NME9: variants seen among roughly 807,000 people sequenced by gnomAD.
The protein encoded by NME9 is NME/NM23 family member 9, also known as thioredoxin domain-containing protein 6.
A neutral mutation model predicts 44.4 loss-of-function variants in NME9; 48 were observed. The observed-to-expected ratio is 1.08, with a 90% CI of 0.86 to 1.37. NME9 has a LOEUF of 1.37. Ranked by LOEUF, NME9 falls within the 40% of genes most tolerant of loss-of-function variation. The pLI is 0.00. For missense variants in NME9, 325 were observed against 405.2 expected (o/e 0.80, Z 1.70); for synonymous variants, 139 against 147.1 (o/e 0.94, Z 0.40).
intron 8 of NME9, among the ~76,000 whole-genome samples, chr3:138,269,820 C>CTTTTTTTTTTT (rs77095833): frequency 8.2e-6 from 1 of 121,694 alleles, no homozygotes; most frequent in African/African-American, 3.0e-5. Flanking sequence ...TGTTTTCTTT[C>CTTTTTTTTTTT]TTTTTTTTTT....
downstream of NME9, among the ~76,000 whole-genome samples, chr3:138,299,561 C>T (rs879631556): frequency 3.9e-5 from 6 of 152,160 alleles, no homozygotes; most frequent in Non-Finnish European, 5.9e-5. Flanking sequence ...CCCTTACACC[C>T]CATTCCCCTG....
intron 9 of NME9, 121 bp from the exon 10 acceptor site, chr3:138,303,764 C>A (rs1020220181): frequency 4.1e-5 from 35 of 857,846 alleles, no homozygotes; most frequent in Non-Finnish European, 4.7e-5. Flanking sequence ...AAATTGATTT[C>A]TCTGCAGGAA....
intron 8 of NME9, among the ~76,000 whole-genome samples, chr3:138,274,018 G>A (rs900844168): frequency 3.2e-4 from 49 of 152,048 alleles, no homozygotes; most frequent in Middle Eastern, 3.4e-3. Context: ...GGGTTTTGCC[G>A]TGTTGGCCAG....
intron 8 of NME9, among the ~76,000 whole-genome samples, chr3:138,286,005 C>T (rs1468033198): frequency 1.3e-5 from 2 of 152,146 alleles, no homozygotes; most frequent in East Asian, 1.9e-4. Context: ...AGTGCAGTGA[C>T]GCGATCTTGG....
intron 2 of NME9, 110 bp from the exon 3 acceptor site, chr3:138,319,691 G>T (rs538270941): frequency 1.5e-6 from 1 of 661,592 alleles, no homozygotes; most frequent in South Asian, 1.7e-5. Flanking sequence ...TTCATTTGCC[G>T]GGATATCTAA....
chr3:138,275,766 T>C (rs758063628), intron 8 of NME9, among the ~76,000 whole-genome samples: 12 of 152,170 alleles, frequency 7.9e-5, no homozygotes, highest in Non-Finnish European at 1.3e-4. Flanking sequence ...GGAGCTGCAA[T>C]TGAATTTGTG....
intron 4 of NME9, 122 bp downstream of exon 4, chr3:138,318,026 T>C (rs940446384): frequency 7.2e-6 from 5 of 697,104 alleles, no homozygotes; most frequent in East Asian, 5.2e-5. Context: ...TTTGAATCTG[T>C]GAGGCCTCTT....
chr3:138,281,987 G>T (rs1398807415), intron 8 of NME9, among the ~76,000 whole-genome samples: 5 of 152,148 alleles, frequency 3.3e-5, no homozygotes. Flanking sequence ...GAGTCTTCTT[G>T]GTAAGAAATG....
chr3:138,310,015 C>CA (rs764498144), intron 6 of NME9, among the ~76,000 whole-genome samples: 3,193 of 130,126 alleles, frequency 0.025, 40 homozygotes, highest in Middle Eastern at 0.04. Flanking sequence ...AACTCCATCT[C>CA]AAAAAAAAAA....
At chr3:138,304,310 C>T (rs573323884) in intron 9 of NME9, among the ~76,000 whole-genome samples, 7 of 152,336 alleles carry the variant, frequency 4.6e-5, no homozygotes, top group Admixed American at 4.6e-4. Flanking sequence ...TTCCTGTTGT[C>T]TGGGCCTGTC....
chr3:138,294,902 CT>C (rs761552356), intron 8 of NME9, among the ~76,000 whole-genome samples: 262 of 141,822 alleles, frequency 1.8e-3, no homozygotes, highest in Non-Finnish European at 1.7e-3. Context: ...GTTTTTTGTT[CT>C]TTTTTTTTTT....
intron 6 of NME9, among the ~76,000 whole-genome samples, chr3:138,307,522 A>C (rs1214128763): frequency 1.3e-5 from 2 of 152,220 alleles, no homozygotes; most frequent in Non-Finnish European, 2.9e-5. Context: ...AAATCTCAAA[A>C]ACATGTACTG....
chr3:138,272,748 G>A (rs1386453062), intron 8 of NME9, among the ~76,000 whole-genome samples: 5 of 152,126 alleles, frequency 3.3e-5, no homozygotes, highest in East Asian at 3.9e-4. Flanking sequence ...GGTGGCTCGC[G>A]CCTGTACTCC....
chr3:138,305,701 C>A (rs1234349256), intron 8 of NME9, among the ~76,000 whole-genome samples: 1 of 152,182 alleles, frequency 6.6e-6, no homozygotes, highest in African/African-American at 2.4e-5. Flanking sequence ...CTTCGAGATC[C>A]CTAGCTTCCT....
intron 8 of NME9, chr3:138,284,381 C>A: frequency 6.9e-7 from 1 of 1,448,180 alleles, no homozygotes; most frequent in Non-Finnish European, 9.7e-7. Flanking sequence ...GACAGCTTGA[C>A]TCTGGGACTT....
intron 8 of NME9, among the ~76,000 whole-genome samples, chr3:138,266,952 A>G (rs368869288): frequency 1.3e-5 from 2 of 152,188 alleles, no homozygotes; most frequent in African/African-American, 4.8e-5. Flanking sequence ...TCCAAGCAAG[A>G]CAGATTTGAG....
intron 8 of NME9, among the ~76,000 whole-genome samples, chr3:138,285,373 C>G (rs917204559): frequency 6.6e-6 from 1 of 152,176 alleles, no homozygotes; most frequent in African/African-American, 2.4e-5. Flanking sequence ...TTATGATGGC[C>G]TGTCAAGTCC....
chr3:138,314,271 A>G (rs1183333157), intron 6 of NME9, 61 bp downstream of exon 6: 11 of 958,350 alleles, frequency 1.1e-5, no homozygotes, highest in Non-Finnish European at 1.8e-5. Context: ...ATCTATTTTA[A>G]ACATATATAA....
chr3:138,319,437 T>C, intron 3 of NME9, 41 bp downstream of exon 3: 2 of 1,157,420 alleles, frequency 1.7e-6, no homozygotes, highest in Admixed American at 1.7e-5. Context: ...TTAAATTCTT[T>C]TTACAATGTT....
Sources: gnomAD v4.1 joint callset for allele counts (sites outside exome capture counted in the v4.1 genomes callset) on GRCh38, gnomAD v4.1.1 for gene constraint, MANE v1.5 for transcripts, NCBI Gene and HGNC (gene_info 2026-07-23, HGNC 2026-07-21) for gene names.